EME1: variants seen among roughly 807,000 people sequenced by gnomAD.
The protein encoded by EME1 is essential meiotic structure-specific endonuclease 1, also known as structure-specific endonuclease subunit EME1.
EME1 carries 61 observed loss-of-function variants against 59.1 expected under a neutral mutation model. The observed-to-expected ratio is 1.03, with a 90% CI of 0.84 to 1.28. EME1 has a LOEUF of 1.28. EME1 is among the 50% of genes most tolerant of loss of function. The probability of loss-of-function intolerance (pLI) is 0.00; values close to 1 mark genes in which losing one functional copy is unlikely to be tolerated. For synonymous variants in EME1, 230 were observed against 254.2 expected, an observed-to-expected ratio of 0.90 and a Z score of 0.90; for missense variants, 635 against 682.6, an observed-to-expected ratio of 0.93 and a Z score of 0.78.
chr17:50,378,213 C>T (rs923189321), intron 3 of EME1, among the ~76,000 whole-genome samples: 6 of 151,782 alleles, frequency 4.0e-5, no homozygotes, highest in Admixed American at 6.6e-5. Context: ...ATTACAGGCA[C>T]GTACCGCCAC....
chr17:50,378,610 G>A lies in EME1; in HGVS notation c.919G>A (p.Val307Met), dbSNP rs534792200. 39 of 1,613,848 alleles carry A rather than the reference G, an allele frequency of 2.4e-5. No individual in the cohort carries two copies. The highest frequency in any genetic ancestry group is 1.4e-4 in the South Asian group (13 of 91,058). Residue 307 changes from valine to methionine, a missense_variant, in exon 4 of 9, where the codon GTG becomes ATG. Transcript: ENST00000338165. ...AGPSEDREDW[V>M]EEPTVLVLLR... ...ACTTTGGCAGGACAGAGAGGACTGG[G>A]TGGAGGAGCCAACAGTACTGGTGTT...
intron 1 of EME1, chr17:50,374,961 T>C (rs1255804414): frequency 2.6e-6 from 1 of 386,432 alleles, no homozygotes; most frequent in Non-Finnish European, 4.6e-6. Flanking sequence ...ATGGTAACTC[T>C]ACTTTGTTTA....
intron 3 of EME1, among the ~76,000 whole-genome samples, chr17:50,376,557 GACA>G (rs1852136985): frequency 6.6e-6 from 1 of 152,214 alleles, no homozygotes; most frequent in African/African-American, 2.4e-5. Flanking sequence ...TCTCAGTCAT[GACA>G]ATAAAAAATG....
In EME1 at chr17:50,380,748, A is replaced by T. The variant is rs1269417332; in HGVS notation, c.1537-15A>T. On this transcript the variant is annotated splice_polypyrimidine_tract_variant and intron_variant, in intron 8 of 8. Coordinates refer to ENST00000338165, the MANE Select transcript of EME1 (RefSeq NM_152463.4). ...ATGGATGGTACCATATTAAGAGGTC[A>T]TCTACCACTTCCAGGCTTATCAGCA... 6.2e-7 allele frequency: 1 copy of T among 1,613,556 alleles called. No homozygotes were observed. Among genetic ancestry groups the T allele is most frequent in the Non-Finnish European group, 8.5e-7 (1 of 1,180,042 alleles).
Position 50,373,294 on chromosome 17 carries a change from G to A in EME1, c.-25+17G>A. On this transcript the variant is annotated intron_variant, in intron 1 of 8. Transcript: ENST00000338165. ...AAGTTGCAGGTGAGCGTCCCCGGTC[G>A]CAGGCCTGCGGATTGGGCAGGGCTT... 1 of 1,368,500 alleles carries A rather than the reference G, an allele frequency of 7.3e-7. No individual in the cohort carries two copies. Among genetic ancestry groups the A allele is most frequent in the Non-Finnish European group, 1.0e-6 (1 of 991,748 alleles). The allele number at this position is 1,368,500 out of a possible 1,614,324, so 84.8% of individuals were successfully genotyped here. A position where few individuals can be genotyped will look rare whatever the true frequency, so the allele number is the denominator to read the frequency against.
In EME1 at chr17:50,380,342, C is replaced by T; in HGVS notation, c.1377C>T (p.Phe459=). The part of the protein sequence containing the change: ...KKLRDETTFS[F]CLESDWAGGV... The stretch of plus-strand genomic sequence containing the variant: ...TCCGAGATGAAACTACCTTCTCCTT[C>T]TGTCTGGAGAGTGACTGGGCTGGAG... Residue 459 remains phenylalanine, a synonymous_variant, in exon 8 of 9, where the codon TTC becomes TTT. Coordinates refer to ENST00000338165, the MANE Select transcript of EME1 (RefSeq NM_152463.4). 1.2e-6 allele frequency: 2 copies of T among 1,612,794 alleles called. No individual in the cohort carries two copies. Among genetic ancestry groups the T allele is most frequent in the Non-Finnish European group, 1.7e-6 (2 of 1,179,350 alleles).
rs1405948953 is a variant in EME1, at chr17:50,375,187, A to G, written c.-22A>G. On this transcript the variant is annotated splice_region_variant and 5_prime_UTR_variant, in exon 2 of 9. Coordinates refer to ENST00000338165, the MANE Select transcript of EME1 (RefSeq NM_152463.4). ...TCATATGTCTCTTTTCCTTTTAGGG[A>G]ATTATTTGATAGCACATACTGATGG... 1.8e-5 allele frequency: 29 copies of G among 1,605,442 alleles called. No individual in the cohort carries two copies. Among genetic ancestry groups the G allele is most frequent in the Non-Finnish European group, 2.4e-5 (28 of 1,176,398 alleles).
In EME1 at chr17:50,375,451, G is replaced by A. The variant is rs780621573; in HGVS notation, c.243G>A (p.Arg81=). Residue 81 remains arginine (R), a synonymous_variant, in exon 2 of 9, where the codon AGG becomes AGA. Coordinates refer to ENST00000338165, the MANE Select transcript of EME1 (RefSeq NM_152463.4). ...AETVTQTQPV[R]LLSSESEDEE... is the part of the protein sequence containing the mutation. The stretch of plus-strand genomic sequence containing the variant: ...CTGTCACACAAACACAGCCAGTCAG[G>A]TTGCTAAGCAGTGAAAGTGAAGATG... The A allele has an allele frequency of 3.7e-6, 6 of 1,614,032 alleles. No homozygotes were observed. The highest frequency in any genetic ancestry group is 2.7e-5 in the African/African-American group (2 of 74,912).
At chr17:50,375,112 C>T in intron 1 of EME1, 73 bp from the exon 2 acceptor site, 1 of 1,186,440 alleles carries the variant, frequency 8.4e-7, no homozygotes, top group Non-Finnish European at 1.2e-6. Flanking sequence ...TGTCATAAAG[C>T]CTGGCTATGG....
In EME1 at chr17:50,374,851, A is replaced by G. The variant is rs548572580; in HGVS notation, c.-24-334A>G. On this transcript the variant is annotated intron_variant, in intron 1 of 8. Transcript: ENST00000338165. The stretch of plus-strand genomic sequence containing the variant: ...AGAGTGAGACTCCATCTCAAAAAAA[A>G]AAAAGAAGAACTTTTGACATCTCCA... Among the ~76,000 whole-genome samples the G allele has an allele frequency of 1.6e-4, 24 of 152,242 alleles. No homozygotes were observed. In the South Asian group the frequency reaches 4.4e-3, roughly 28 times the overall value.
rs1598366233 is a variant in EME1 at position 50,381,338 on chromosome 17, C to A, written c.*399C>A. 2.4e-5 allele frequency: 5 copies of A among 209,246 alleles called. No individual in the cohort carries two copies. In the East Asian group the frequency reaches 5.7e-4, roughly 24 times the overall value. The allele number at this position is 209,246 out of a possible 1,614,324, so 13.0% of individuals were successfully genotyped here. A position where few individuals can be genotyped will look rare whatever the true frequency, so the allele number is the denominator to read the frequency against. ...TGCGGGTTGGCTTGACTGGGCTCAG[C>A]CACTGAGCTGCCTCAACCGGCCAAG... On this transcript the variant is annotated 3_prime_UTR_variant, in exon 9 of 9. Coordinates refer to ENST00000338165, the MANE Select transcript of EME1 (RefSeq NM_152463.4).
At chr17:50,376,830 T>C (rs1913496938) in intron 3 of EME1, among the ~76,000 whole-genome samples, 1 of 152,174 alleles carries the variant, frequency 6.6e-6, no homozygotes, top group African/African-American at 2.4e-5. Flanking sequence ...TTCCCACTAG[T>C]CCTCTCCTCG....
rs769376064 is a variant in EME1, at chr17:50,378,910, T to C, written c.1112+15T>C. ...AAATGCTTCAGGTTTGGATTTGCCC[T>C]GGTGATTTCATGTTAAAAGGGGCAG... On this transcript the variant is annotated intron_variant, in intron 5 of 8. Transcript: ENST00000338165. 2 of 1,614,068 alleles carry C rather than the reference T, an allele frequency of 1.2e-6. No homozygotes were observed. The highest frequency in any genetic ancestry group is 1.1e-5 in the South Asian group (1 of 91,088).
chr17:50,375,085 T>C (rs1316834888), intron 1 of EME1, 100 bp from the exon 2 acceptor site: 1 of 907,718 alleles, frequency 1.1e-6, no homozygotes, highest in Non-Finnish European at 1.7e-6. Flanking sequence ...TTCTGTATTC[T>C]CTATATCTTA....
At chr17:50,373,930 C>T (rs547877235) in intron 1 of EME1, among the ~76,000 whole-genome samples, 2 of 152,234 alleles carry the variant, frequency 1.3e-5, no homozygotes, top group Admixed American at 6.5e-5. Context: ...ACTACTGATA[C>T]AGGCTACATC....
In EME1 at chr17:50,376,185, C is replaced by A. The variant is rs1355177544; in HGVS notation, c.895C>A (p.Pro299Thr). 3 of 1,613,028 alleles carry A rather than the reference C, an allele frequency of 1.9e-6. No homozygotes were observed. The highest frequency in any genetic ancestry group is 2.2e-5 in the South Asian group (2 of 91,030). ...CSVTWRRRAG[P>T]SEDREDWVEE... is the part of the protein sequence containing the mutation. ...TGTCACTTGGAGGAGAAGGGCTGGG[C>A]CGTCTGAGGTAGGAGTTTTCTGGCT... The change falls in exon 3 of 9, where the codon CCG becomes ACG. Residue 299 changes from proline (P) to threonine (T), a missense_variant. Physicochemically the swap from Pro to Thr is conservative, Grantham distance 38. Coordinates refer to ENST00000338165, the MANE Select transcript of EME1 (RefSeq NM_152463.4).
In EME1 at chr17:50,373,284, GT is replaced by G; in HGVS notation, c.-25+8del. On this transcript the variant is annotated splice_region_variant and intron_variant, in intron 1 of 8. Transcript: ENST00000338165. Reference sequence around the variant, plus strand: ...GTGGCGGGAGAAGTTGCAGGTGAGCGTCCCCGGTCGCAGGCCTGCGGATTGG... The same window carrying G: ...GTGGCGGGAGAAGTTGCAGGTGAGCGCCCCGGTCGCAGGCCTGCGGATTGG... 6.9e-7 allele frequency: 1 copy of G among 1,458,800 alleles called. No individual in the cohort carries two copies. Among genetic ancestry groups the G allele is most frequent in the Middle Eastern group, 1.7e-4 (1 of 5,792 alleles). The allele number at this position is 1,458,800 out of a possible 1,614,324, so 90.4% of individuals were successfully genotyped here.
chr17:50,381,097 C>A lies in EME1; in HGVS notation c.*158C>A. 1.3e-6 allele frequency: 1 copy of A among 790,212 alleles called. No homozygotes were observed. The highest frequency in any genetic ancestry group is 2.0e-6 in the Non-Finnish European group (1 of 511,122). The allele number at this position is 790,212 out of a possible 1,614,324, so 49.0% of individuals were successfully genotyped here. ...TTATTATTTGTGAAGGTCTCTCTGC[C>A]TGTCGGCTGGGGCAGAGACTGAAAT... On this transcript the variant is annotated 3_prime_UTR_variant, in exon 9 of 9. Transcript: ENST00000338165.
At position 50,380,399 on chromosome 17, in the gene EME1, C is replaced by T. The variant is rs375258505; in HGVS notation, c.1434C>T (p.Leu478=). 186 of 1,614,006 alleles carry T rather than the reference C, an allele frequency of 1.2e-4. 1 individual carries two copies. Among genetic ancestry groups the T allele is most frequent in the Middle Eastern group, 1.6e-4 (1 of 6,084 alleles). ...AGGTGGACCTTGCTGGCAGGGGACT[C>T]GCACTAGTCTGGAGGAGACAGATTC... ...GVKVDLAGRG[L]ALVWRRQIQQ... Residue 478 remains leucine (L), a synonymous_variant, in exon 8 of 9, where the codon CTC becomes CTT. Coordinates refer to ENST00000338165, the MANE Select transcript of EME1 (RefSeq NM_152463.4).
Sources: gnomAD v4.1 joint callset for allele counts (sites outside exome capture counted in the v4.1 genomes callset) on GRCh38, gnomAD v4.1.1 for gene constraint, MANE v1.5 for transcripts, NCBI Gene and HGNC (gene_info 2026-07-23, HGNC 2026-07-21) for gene names.